Variants in LRRC69 observed in about 807,000 individuals in gnomAD.
LRRC69 encodes the protein leucine rich repeat containing 69, also known as leucine-rich repeat-containing protein 69.
Under a neutral mutation model 37.8 loss-of-function variants are expected in LRRC69, and 42 were observed. The observed-to-expected ratio is 1.11, with a 90% CI of 0.87 to 1.44. The LOEUF is 1.44. LRRC69 is among the 40% of genes most tolerant of loss of function. The probability of loss-of-function intolerance (pLI) is 0.00; values close to 1 mark genes in which losing one functional copy is unlikely to be tolerated. For synonymous variants in LRRC69, 141 were observed against 143.1 expected (o/e 0.99, Z 0.11); for missense variants, 357 against 401.9 (o/e 0.89, Z 0.96).
At chr8:91,113,247 T>A (rs1384351422) in intron 1 of LRRC69, among the ~76,000 whole-genome samples, 1 of 151,974 alleles carries the variant, frequency 6.6e-6, no homozygotes, top group East Asian at 1.9e-4. Flanking sequence ...CAAAGCAACC[T>A]GAATAGCCAA....
At chr8:91,147,252 T>TATATATTATATATAAAC (rs1486553296) in intron 5 of LRRC69, among the ~76,000 whole-genome samples, 1 of 99,392 alleles carries the variant, frequency 1.0e-5, no homozygotes, top group Admixed American at 8.9e-5. Flanking sequence ...AAACATATAA[T>TATATATTATATATAAAC]ATATATTATA....
intron 5 of LRRC69, among the ~76,000 whole-genome samples, chr8:91,140,487 C>T (rs1039801575): frequency 3.0e-4 from 45 of 151,760 alleles, no homozygotes; most frequent in Non-Finnish European, 5.3e-4. Context: ...CCAGAGACTA[C>T]ACTTTATTGT....
At chr8:91,109,199 G>A (rs1813370348) in intron 1 of LRRC69, among the ~76,000 whole-genome samples, 1 of 152,004 alleles carries the variant, frequency 6.6e-6, no homozygotes, top group African/African-American at 2.4e-5. Flanking sequence ...TCATGCCAAG[G>A]CATATATTAA....
intron 5 of LRRC69, among the ~76,000 whole-genome samples, chr8:91,145,135 A>T (rs1247827410): frequency 6.6e-6 from 1 of 151,978 alleles, no homozygotes; most frequent in Admixed American, 6.6e-5. Flanking sequence ...CAATTGTGGG[A>T]AAGAAACTCC....
rs563498493 is a variant in LRRC69, at chr8:91,173,706, G to A, written c.652-15816G>A. ...GATGTTCAAGATCAAGATGCCAGCAGATTTGGTGTCTGTTCGGGGCTTGCA... is the reference window on the plus strand; with the variant it reads ...GATGTTCAAGATCAAGATGCCAGCAAATTTGGTGTCTGTTCGGGGCTTGCA... On this transcript the variant is annotated intron_variant, in intron 5 of 7. Coordinates refer to ENST00000448384, the Ensembl canonical transcript of LRRC69. 3.9e-5 allele frequency among the ~76,000 whole-genome samples: 6 copies of A among 152,262 alleles called. No individual in the cohort carries two copies. The East Asian group carries it at 1.2e-3, about 29-fold the overall frequency.
intron 5 of LRRC69, among the ~76,000 whole-genome samples, chr8:91,168,449 T>A (rs1050069869): frequency 5.3e-5 from 8 of 151,904 alleles, no homozygotes; most frequent in Non-Finnish European, 1.0e-4. Context: ...AATGGAAATC[T>A]TTTGGGTGGG....
At chr8:91,202,808 T>G (rs1183108094) in intron 7 of LRRC69, among the ~76,000 whole-genome samples, 1 of 152,168 alleles carries the variant, frequency 6.6e-6, no homozygotes, top group African/African-American at 2.4e-5. Flanking sequence ...TAATTTACAT[T>G]TTAACAATAT....
intron 6 of LRRC69, among the ~76,000 whole-genome samples, chr8:91,198,008 G>A (rs936310812): frequency 2.6e-5 from 4 of 152,124 alleles, no homozygotes; most frequent in African/African-American, 9.7e-5. Flanking sequence ...TGTACTTAAA[G>A]TAAGAGTTAT....
chr8:91,151,571 C>G (rs547514546), intron 5 of LRRC69, among the ~76,000 whole-genome samples: 49 of 151,468 alleles, frequency 3.2e-4, no homozygotes, highest in Admixed American at 3.1e-3. Context: ...TGTTCCAAGT[C>G]TTTGCTATTG....
intron 6 of LRRC69, among the ~76,000 whole-genome samples, chr8:91,195,287 G>A (rs1194876416): frequency 6.8e-6 from 1 of 148,138 alleles, no homozygotes; most frequent in East Asian, 1.9e-4. Context: ...TTTGGAATAG[G>A]TGTGGTGTGG....
At position 91,214,806 on chromosome 8, in the gene LRRC69, ATT is replaced by A. The variant is rs766125366; in HGVS notation, c.934-4069_934-4068del. On this transcript the variant is annotated intron_variant, in intron 7 of 7. Coordinates refer to ENST00000448384, the Ensembl canonical transcript of LRRC69. The stretch of plus-strand genomic sequence containing the variant: ...CCCAAAGCTTGGTGACTTGACAGAA[ATT>A]TTTTTTTTTTTTTTACAGTCAAGTA... Among the ~76,000 whole-genome samples the A allele has an allele frequency of 5.5e-3, 791 of 144,578 alleles. 5 individuals carry two copies. The highest frequency in any genetic ancestry group is 0.018 in the African/African-American group (714 of 39,480). The allele number at this position is 144,578 out of a possible 152,430, so 94.8% of individuals were successfully genotyped here.
chr8:91,149,515 G>A (rs1198077100), intron 5 of LRRC69, among the ~76,000 whole-genome samples: 3 of 151,966 alleles, frequency 2.0e-5, no homozygotes, highest in Non-Finnish European at 4.4e-5. Context: ...AAGTCAGGTA[G>A]CGTGATGCCT....
chr8:91,157,175 G>A lies in LRRC69; in HGVS notation c.651+21436G>A. 4 of 773,512 alleles carry A rather than the reference G, an allele frequency of 5.2e-6. No homozygotes were observed. In the South Asian group the frequency reaches 6.0e-5, roughly 12 times the overall value. 47.9% of individuals were successfully genotyped at this position (773,512 alleles called of 1,614,324 possible). ...AAGAGTGTCATTGGTATTTTGATAG[G>A]GATTGCTTCGAATCTGTAGATTGCT... is the stretch of plus-strand genomic sequence containing the variant. On this transcript the variant is annotated intron_variant, in intron 5 of 7. Coordinates refer to ENST00000448384, the Ensembl canonical transcript of LRRC69.
chr8:91,183,816 G>A (rs1809362499), intron 5 of LRRC69, among the ~76,000 whole-genome samples: 1 of 152,158 alleles, frequency 6.6e-6, no homozygotes, highest in Admixed American at 6.5e-5. Context: ...TGTCTCCCCT[G>A]AGGTGTGACT....
Position 91,176,134 on chromosome 8 carries a change from A to ATATATATATATTTT in LRRC69, c.652-13387_652-13386insATATATATATTTTT. Among the ~76,000 whole-genome samples the ATATATATATATTTT allele has an allele frequency of 5.8e-3, 441 of 75,634 alleles. 8 individuals are homozygous for ATATATATATATTTT. The highest frequency in any genetic ancestry group is 0.023 in the African/African-American group (383 of 16,376). The allele number at this position is 75,634 out of a possible 152,430, so 49.6% of individuals were successfully genotyped here. On this transcript the variant is annotated intron_variant, in intron 5 of 7. Transcript: ENST00000448384. Reference sequence around the variant, plus strand: ...ATCCCTCATATATATATATATATATATTTTTTTTTTTTCTTTTTTTTGAGA... The same window carrying ATATATATATATTTT: ...ATCCCTCATATATATATATATATATATATATATATATTTTTTTTTTTTTTTTCTTTTTTTTGAGA...
At chr8:91,206,556 G>C (rs753362408) in intron 7 of LRRC69, 2 of 613,888 alleles carry the variant, frequency 3.3e-6, no homozygotes, top group Non-Finnish European at 4.8e-6. Context: ...CTCGGAAACA[G>C]TTTTCAAAAC....
chr8:91,153,114 C>CA (rs1323288008), intron 5 of LRRC69, among the ~76,000 whole-genome samples: 12 of 150,664 alleles, frequency 8.0e-5, no homozygotes, highest in Admixed American at 5.3e-4. Context: ...CAACAAAAAT[C>CA]AAAAAAGAAA....
intron 1 of LRRC69, among the ~76,000 whole-genome samples, chr8:91,122,089 CCACATAACATACAAAATGAG>C (rs1813633910): frequency 6.6e-6 from 1 of 151,996 alleles, no homozygotes; most frequent in African/African-American, 2.4e-5. Context: ...TAAGAACTTA[CCACATAACATACAAAATGAG>C]CACTGTACAG....
chr8:91,149,080 T>A (rs1216364910), intron 5 of LRRC69, among the ~76,000 whole-genome samples: 1 of 151,716 alleles, frequency 6.6e-6, no homozygotes, highest in Admixed American at 6.6e-5. Flanking sequence ...AGAAGCTCTT[T>A]AGTTTAATTA....
Sources: gnomAD v4.1 joint callset for allele counts (sites outside exome capture counted in the v4.1 genomes callset) on GRCh38, gnomAD v4.1.1 for gene constraint, MANE v1.5 for transcripts, NCBI Gene and HGNC (gene_info 2026-07-23, HGNC 2026-07-21) for gene names.